SDK1: variants seen among roughly 807,000 people sequenced by gnomAD.
SDK1 encodes the protein sidekick cell adhesion molecule 1, also known as protein sidekick-1.
SDK1 carries 157 observed loss-of-function variants against 245.5 expected under a neutral mutation model. That is an observed-to-expected ratio of 0.64 (90% CI 0.56 to 0.73). SDK1 has a LOEUF of 0.73. Ranked by LOEUF, SDK1 falls within the 30% of genes least tolerant of loss-of-function variation. The pLI, the probability that SDK1 is intolerant of heterozygous loss-of-function variation, is 0.00. For synonymous variants in SDK1, 1,647 were observed against 1,278.5 expected (o/e 1.29, Z -6.15); for missense variants, 3,583 against 3,002.3 (o/e 1.19, Z -4.52).
At chr7:3,816,323 G>A (rs1459654826) in intron 4 of SDK1, among the ~76,000 whole-genome samples, 1 of 150,662 alleles carries the variant, frequency 6.6e-6, no homozygotes, top group African/African-American at 2.5e-5. Flanking sequence ...TTTTTGAAAG[G>A]ATCAACAAAA....
intron 22 of SDK1, among the ~76,000 whole-genome samples, chr7:4,090,171 C>G (rs1781695126): frequency 1.3e-5 from 2 of 152,120 alleles, no homozygotes; most frequent in Non-Finnish European, 2.9e-5. Context: ...AGATTTCTCC[C>G]CTCTAAAATG....
chr7:3,475,756 A>G (rs898351479), intron 1 of SDK1, among the ~76,000 whole-genome samples: 1 of 152,194 alleles, frequency 6.6e-6, no homozygotes, highest in Non-Finnish European at 1.5e-5. Context: ...AATGAAGTAT[A>G]TTATATTTGT....
intron 4 of SDK1, among the ~76,000 whole-genome samples, chr7:3,751,579 C>A (rs1779773182): frequency 6.6e-6 from 1 of 152,290 alleles, no homozygotes; most frequent in Non-Finnish European, 1.5e-5. Context: ...TTTTTACAGG[C>A]CTGGATCATG....
At chr7:3,518,651 G>C (rs539215487) in intron 1 of SDK1, among the ~76,000 whole-genome samples, 2 of 151,972 alleles carry the variant, frequency 1.3e-5, no homozygotes, top group South Asian at 2.1e-4. Flanking sequence ...TCCCAGATAG[G>C]ATGGCCATTA....
At chr7:3,979,888 C>G (rs190827810) in intron 13 of SDK1, among the ~76,000 whole-genome samples, 181 of 152,292 alleles carry the variant, frequency 1.2e-3, no homozygotes, top group African/African-American at 4.2e-3. Flanking sequence ...CATCTCTCCT[C>G]CTGAAATCAG....
chr7:3,951,791 C>T lies in SDK1; in HGVS notation c.1021C>T (p.His341Tyr). Residue 341 changes from histidine (H) to tyrosine (Y), a missense_variant, in exon 7 of 45, where the codon CAC becomes TAC. Physicochemically the swap from His to Tyr is moderately conservative, Grantham distance 83. Transcript: ENST00000404826. ...RNGVRITSGLHSFGRRLTISN... is the reference protein window; with the variant it reads ...RNGVRITSGLYSFGRRLTISN... ...TGGAGTGAGAATCACCAGTGGCCTCCACAGCTTTGGAAGACGCCTCACCAT... is the reference window on the plus strand; with the variant it reads ...TGGAGTGAGAATCACCAGTGGCCTCTACAGCTTTGGAAGACGCCTCACCAT... 1 of 1,613,942 alleles carries T rather than the reference C, an allele frequency of 6.2e-7. No individual in the cohort carries two copies. The highest frequency in any genetic ancestry group is 8.5e-7 in the Non-Finnish European group (1 of 1,180,032).
chr7:3,906,380 G>A (rs908144259), intron 5 of SDK1, among the ~76,000 whole-genome samples: 10 of 147,560 alleles, frequency 6.8e-5, no homozygotes, highest in African/African-American at 2.2e-4. Context: ...GGCTGTATGC[G>A]TATGTGTGTG....
At chr7:3,859,564 A>G (rs1439062119) in intron 5 of SDK1, among the ~76,000 whole-genome samples, 1 of 152,170 alleles carries the variant, frequency 6.6e-6, no homozygotes, top group East Asian at 1.9e-4. Flanking sequence ...TCCCAAACCA[A>G]GATGGCAGCT....
intron 1 of SDK1, among the ~76,000 whole-genome samples, chr7:3,368,650 G>C (rs978416851): frequency 6.6e-6 from 1 of 152,128 alleles, no homozygotes; most frequent in African/African-American, 2.4e-5. Flanking sequence ...GAGTGCCCTG[G>C]GGATCTTTAT....
intron 42 of SDK1, among the ~76,000 whole-genome samples, 191 bp from the exon 43 acceptor site, chr7:4,241,602 T>A (rs1161941265): frequency 6.6e-6 from 1 of 152,244 alleles, no homozygotes; most frequent in Non-Finnish European, 1.5e-5. Flanking sequence ...GTCACTTTGC[T>A]CCAACACTGT....
chr7:3,551,629 G>A (rs1304360336), intron 1 of SDK1, among the ~76,000 whole-genome samples: 1 of 151,486 alleles, frequency 6.6e-6, no homozygotes, highest in Non-Finnish European at 1.5e-5. Flanking sequence ...CAATTTGGCT[G>A]ACCTTAGTTT....
At chr7:4,246,675 A>T (rs1372462764) in intron 44 of SDK1, among the ~76,000 whole-genome samples, 1 of 152,044 alleles carries the variant, frequency 6.6e-6, no homozygotes, top group Admixed American at 6.5e-5. Flanking sequence ...GTTCCAGGTC[A>T]TGTATCGGGC....
intron 1 of SDK1, among the ~76,000 whole-genome samples, chr7:3,463,831 G>A (rs1780907538): frequency 1.3e-5 from 2 of 152,164 alleles, no homozygotes; most frequent in Admixed American, 1.3e-4. Flanking sequence ...TAGGAGGAGG[G>A]TCTAATGCAA....
chr7:3,440,911 A>G (rs561020262), intron 1 of SDK1, among the ~76,000 whole-genome samples: 19 of 152,358 alleles, frequency 1.2e-4, no homozygotes, highest in Non-Finnish European at 2.4e-4. Context: ...GTGTTGTGCC[A>G]GAATCATTCA....
At chr7:3,706,568 A>T (rs1224895166) in intron 4 of SDK1, among the ~76,000 whole-genome samples, 2 of 151,886 alleles carry the variant, frequency 1.3e-5, no homozygotes, top group Non-Finnish European at 2.9e-5. Context: ...CACCCGGCTA[A>T]TTTTTTTGTA....
chr7:3,633,309 A>G (rs898212445), intron 2 of SDK1, among the ~76,000 whole-genome samples: 1 of 152,176 alleles, frequency 6.6e-6, no homozygotes, highest in Non-Finnish European at 1.5e-5. Flanking sequence ...TTTTTTTCTT[A>G]TGAATCAAAT....
At chr7:4,209,412 G>A (rs754728649) in intron 37 of SDK1, among the ~76,000 whole-genome samples, 8 of 152,162 alleles carry the variant, frequency 5.3e-5, no homozygotes, top group Non-Finnish European at 1.0e-4. Flanking sequence ...CTTACACGGC[G>A]CCCGGGCAGA....
At chr7:3,735,712 A>G (rs560531946) in intron 4 of SDK1, among the ~76,000 whole-genome samples, 3 of 152,286 alleles carry the variant, frequency 2.0e-5, no homozygotes, top group East Asian at 3.9e-4. Flanking sequence ...TGATAATTCT[A>G]TTTTTAATTT....
intron 4 of SDK1, among the ~76,000 whole-genome samples, chr7:3,702,986 A>T (rs980957163): frequency 1.4e-4 from 21 of 151,056 alleles, no homozygotes; most frequent in African/African-American, 4.9e-4. Context: ...TTGCTGGTGG[A>T]GATATAAATT....
Sources: allele counts gnomAD v4.1 joint callset (sites outside exome capture counted in the v4.1 genomes callset), GRCh38; gene constraint gnomAD v4.1.1; transcripts MANE v1.5; gene names NCBI Gene and HGNC (gene_info 2026-07-23, HGNC 2026-07-21).